Variants in CBLN2 observed in about 807,000 individuals in gnomAD.
The protein encoded by CBLN2 is cerebellin-2.
Under a neutral mutation model 15.0 loss-of-function variants are expected in CBLN2, and 7 were observed. That is an observed-to-expected ratio of 0.47 (90% CI 0.27 to 0.88). The LOEUF (loss-of-function observed/expected upper bound fraction) is 0.88, where lower values mean the gene tolerates loss of function less well. CBLN2 is among the 40% of genes least tolerant of loss of function. The pLI is 0.14. For missense variants in CBLN2, 242 were observed against 304.5 expected (o/e 0.79, Z 1.53); for synonymous variants, 149 against 135.2 (o/e 1.10, Z -0.71).
At chr18:72,572,533 A>G (rs1370669079) in intron 1 of CBLN2, among the ~76,000 whole-genome samples, 2 of 152,084 alleles carry the variant, frequency 1.3e-5, no homozygotes, top group African/African-American at 2.4e-5. Context: ...ATGATTGTCA[A>G]ATTTGTCCAT....
intron 1 of CBLN2, among the ~76,000 whole-genome samples, chr18:72,625,843 T>TATATAG (rs1299149679): frequency 7.2e-6 from 1 of 137,960 alleles, no homozygotes; most frequent in African/African-American, 2.6e-5. Context: ...TATATATATA[T>TATATAG]AGTACACACA....
intron 1 of CBLN2, among the ~76,000 whole-genome samples, chr18:72,626,132 T>A (rs1024201174): frequency 6.6e-6 from 1 of 151,924 alleles, no homozygotes; most frequent in Admixed American, 6.6e-5. Flanking sequence ...AAGGGTTATC[T>A]CCCGTTCGGC....
chr18:72,602,787 C>T (rs2023036284), intron 1 of CBLN2, among the ~76,000 whole-genome samples: 1 of 152,168 alleles, frequency 6.6e-6, no homozygotes, highest in Admixed American at 6.5e-5. Context: ...TCCAGTCCAA[C>T]AGTTCTCTTC....
At chr18:72,554,661 A>G (rs7236705) in intron 1 of CBLN2, among the ~76,000 whole-genome samples, 113,325 of 151,526 alleles carry the variant, frequency 0.75, 48,550 homozygotes, top group Non-Finnish European at 0.97. Context: ...CCTGCAAAGA[A>G]AAAAAAAACT....
At chr18:72,614,006 C>T (rs1022147360) in intron 1 of CBLN2, among the ~76,000 whole-genome samples, 4 of 152,114 alleles carry the variant, frequency 2.6e-5, no homozygotes, top group South Asian at 2.1e-4. Flanking sequence ...TCTGTTACTC[C>T]CTGTCAGAGA....
chr18:72,541,635 A>G (rs2069112011), intron 3 of CBLN2, among the ~76,000 whole-genome samples, 169 bp downstream of exon 3: 1 of 152,204 alleles, frequency 6.6e-6, no homozygotes. Flanking sequence ...TGGAAAAGGG[A>G]AAGAGTAGGA....
intron 1 of CBLN2, among the ~76,000 whole-genome samples, chr18:72,610,084 T>C (rs757857500): frequency 1.8e-4 from 27 of 152,178 alleles, no homozygotes; most frequent in Non-Finnish European, 3.4e-4. Context: ...TAGGACACAC[T>C]CAGCTCTTCC....
chr18:72,584,261 A>G (rs1599010515), intron 1 of CBLN2, among the ~76,000 whole-genome samples: 1 of 151,472 alleles, frequency 6.6e-6, no homozygotes, highest in Non-Finnish European at 1.5e-5. Context: ...GTCACTCTTT[A>G]TCATACCACA....
At chr18:72,612,549 T>C (rs1230716349) in intron 1 of CBLN2, among the ~76,000 whole-genome samples, 1 of 152,112 alleles carries the variant, frequency 6.6e-6, no homozygotes, top group African/African-American at 2.4e-5. Flanking sequence ...GTTGGATGCA[T>C]ATTTTCTGTG....
chr18:72,560,254 A>G (rs2144892215), intron 1 of CBLN2, among the ~76,000 whole-genome samples: 1 of 152,346 alleles, frequency 6.6e-6, no homozygotes, highest in South Asian at 2.1e-4. Context: ...CAGGCCAGTC[A>G]TGGACAGAGA....
chr18:72,563,733 C>T (rs1190417112), intron 1 of CBLN2, among the ~76,000 whole-genome samples: 1 of 152,176 alleles, frequency 6.6e-6, no homozygotes, highest in African/African-American at 2.4e-5. Flanking sequence ...TGGGCTAGCT[C>T]AGGTCCCCTC....
chr18:72,575,706 G>A (rs2069361878), intron 1 of CBLN2, among the ~76,000 whole-genome samples: 1 of 152,196 alleles, frequency 6.6e-6, no homozygotes, highest in Non-Finnish European at 1.5e-5. Context: ...TGAGGATGCA[G>A]GCGATTTTGT....
In CBLN2 at chr18:72,544,137, C is replaced by A. The variant is rs1164985197; in HGVS notation, c.-372G>T. ...GTGACCACTTTCATAATGACAGGAG[C>A]GAAAAAAACAATAAGTTAAAAAAAA... On this transcript the variant is annotated 5_prime_UTR_variant, in exon 1 of 5. Transcript: ENST00000269503. 1 of 144,094 alleles carries A rather than the reference C, an allele frequency of 6.9e-6. No individual in the cohort carries two copies. Among genetic ancestry groups the A allele is most frequent in the African/African-American group, 2.6e-5 (1 of 38,046 alleles). 8.9% of individuals were successfully genotyped at this position (144,094 alleles called of 1,614,324 possible). A position where few individuals can be genotyped will look rare whatever the true frequency, so the allele number is the denominator to read the frequency against.
rs1017279388 is a variant in CBLN2 at position 72,632,616 on chromosome 18, G to A, written c.15+5709C>T. 4.6e-5 allele frequency among the ~76,000 whole-genome samples: 7 copies of A among 152,218 alleles called. No homozygotes were observed. In the South Asian group the frequency reaches 1.2e-3, roughly 27 times the overall value. ...CTCTATCTGATAATGTCACACACCTGCTTTAGATTTTTTACAGTATCAGAT... is the reference window on the plus strand; with the variant it reads ...CTCTATCTGATAATGTCACACACCTACTTTAGATTTTTTACAGTATCAGAT... On this transcript the variant is annotated intron_variant, in intron 1 of 2. Transcript: ENST00000581073.
intron 3 of CBLN2, 61 bp downstream of exon 3, chr18:72,541,743 G>A (rs1205158617): frequency 3.6e-6 from 5 of 1,381,650 alleles, no homozygotes; most frequent in East Asian, 2.5e-5. Flanking sequence ...CCCAGCCCGC[G>A]CGCGCAGGTC....
At chr18:72,617,103 A>G (rs1033217249) in intron 1 of CBLN2, among the ~76,000 whole-genome samples, 8 of 152,214 alleles carry the variant, frequency 5.3e-5, no homozygotes, top group Admixed American at 2.0e-4. Flanking sequence ...ATACTTTAAA[A>G]ACACGTTCTT....
Position 72,551,282 on chromosome 18 carries a change from A to G in CBLN2, c.16-12510T>C, listed in dbSNP as rs187081114. On this transcript the variant is annotated intron_variant, in intron 1 of 2. Transcript: ENST00000581073. ...TACATATATATGAAATGAAGAGAAA[A>G]TTGTTGTTTAGTTACCCTACCAGAT... is the stretch of plus-strand genomic sequence containing the variant. 2.1e-4 allele frequency among the ~76,000 whole-genome samples: 32 copies of G among 152,226 alleles called. No homozygotes were observed. The East Asian group carries it at 5.6e-3, about 27-fold the overall frequency.
chr18:72,538,445 A>T, intron 4 of CBLN2, 72 bp from the exon 5 acceptor site: 2 of 1,544,376 alleles, frequency 1.3e-6, no homozygotes, highest in Non-Finnish European at 1.8e-6. Flanking sequence ...CTCCTTTGCC[A>T]ATATCCCCAC....
At chr18:72,633,193 T>A (rs2069788735) in intron 1 of CBLN2, among the ~76,000 whole-genome samples, 2 of 152,218 alleles carry the variant, frequency 1.3e-5, no homozygotes, top group South Asian at 4.1e-4. Flanking sequence ...GAAATCAACC[T>A]ATTTTACAAA....
Sources: gnomAD v4.1 joint callset for allele counts (sites outside exome capture counted in the v4.1 genomes callset) on GRCh38, gnomAD v4.1.1 for gene constraint, MANE v1.5 for transcripts, NCBI Gene and HGNC (gene_info 2026-07-23, HGNC 2026-07-21) for gene names.